The following YIPF4 variants were observed in gnomAD, a reference collection of about 807,000 sequenced individuals.
The protein encoded by YIPF4 is Yip1 domain family member 4.
YIPF4 carries 18 observed loss-of-function variants against 29.4 expected under a neutral mutation model. The ratio of observed to expected loss-of-function variants is 0.61; its 90% CI spans 0.42 to 0.91. The LOEUF (loss-of-function observed/expected upper bound fraction) is 0.91, where lower values mean the gene tolerates loss of function less well. Among genes scored for constraint, YIPF4 ranks in the 40% least tolerant of loss-of-function variants. The pLI is 0.00. For missense variants in YIPF4, 279 were observed against 282.7 expected, an observed-to-expected ratio of 0.99 and a Z score of 0.09; for synonymous variants, 115 against 104.7, an observed-to-expected ratio of 1.10 and a Z score of -0.60.
chr2:32,298,115 C>A, intron 3 of YIPF4, 119 bp from the exon 4 acceptor site: 1 of 684,592 alleles, frequency 1.5e-6, no homozygotes. Flanking sequence ...CCCACATAAT[C>A]TCTCTATGAC....
rs1376288120 is a variant in YIPF4, at chr2:32,306,084, TACTC to T, written c.*461_*464del. The T allele has an allele frequency of 5.9e-5, 47 of 801,674 alleles. No individual in the cohort carries two copies. The highest frequency in any genetic ancestry group is 6.4e-4 in the Middle Eastern group (1 of 1,558). 49.7% of individuals were successfully genotyped at this position (801,674 alleles called of 1,614,324 possible). ...ACATATATATTTATGAAATAATTCT[TACTC>T]ACAAAATATATTTCTGATAAACATT... is the stretch of plus-strand genomic sequence containing the variant. On this transcript the variant is annotated 3_prime_UTR_variant, in exon 6 of 6. Transcript: ENST00000238831.
At position 32,313,031 on chromosome 2, in the gene YIPF4, C is replaced by G. The variant is rs1019971404; in HGVS notation, c.*7405C>G. On this transcript the variant is annotated 3_prime_UTR_variant, in exon 6 of 6. Transcript: ENST00000238831. ...CCCCCCCAATATACACACACCCTGA[C>G]TTTAATGAGCTTATTTTGCTGGGGA... 6.6e-6 allele frequency: 1 copy of G among 152,108 alleles called. No individual in the cohort carries two copies. Among genetic ancestry groups the G allele is most frequent in the South Asian group, 2.1e-4 (1 of 4,826 alleles). The allele number at this position is 152,108 out of a possible 1,614,324, so 9.4% of individuals were successfully genotyped here.
chr2:32,297,186 G>A (rs553400630), intron 3 of YIPF4, among the ~76,000 whole-genome samples: 2 of 151,714 alleles, frequency 1.3e-5, no homozygotes, highest in East Asian at 1.9e-4. Context: ...GTGCAATGGC[G>A]CAATCTTGGC....
chr2:32,283,837 C>T (rs1387038466), intron 1 of YIPF4, among the ~76,000 whole-genome samples: 3 of 151,844 alleles, frequency 2.0e-5, no homozygotes, highest in East Asian at 1.9e-4. Flanking sequence ...CCTGCCTCAG[C>T]CTCCCAAGTA....
rs759255999 is a variant in YIPF4, at chr2:32,312,708, A to G, written c.*7082A>G. On this transcript the variant is annotated 3_prime_UTR_variant, in exon 6 of 6. Coordinates refer to ENST00000238831, the MANE Select transcript of YIPF4 (RefSeq NM_032312.4). ...AGTGATAATGCAAAAAAGACCCCCAATAGGCCGGGCGCGGTGGCTCACGCC... is the reference window on the plus strand; with the variant it reads ...AGTGATAATGCAAAAAAGACCCCCAGTAGGCCGGGCGCGGTGGCTCACGCC... The G allele has an allele frequency of 6.7e-6, 1 of 150,158 alleles. No individual in the cohort carries two copies. The highest frequency in any genetic ancestry group is 2.5e-5 in the African/African-American group (1 of 40,694). The allele number at this position is 150,158 out of a possible 1,614,324, so 9.3% of individuals were successfully genotyped here.
chr2:32,305,479 T>G lies in YIPF4; in HGVS notation c.598-10T>G, dbSNP rs1222906939. ...TATGCTGCCTTTTGTCTTTTTTCCT[T>G]TTTTTAAAGCTGTTTGGTGTGTTTT... On this transcript the variant is annotated splice_polypyrimidine_tract_variant and intron_variant, in intron 5 of 5. Transcript: ENST00000238831. 1 of 1,530,790 alleles carries G rather than the reference T, an allele frequency of 6.5e-7. No homozygotes were observed. Among genetic ancestry groups the G allele is most frequent in the South Asian group, 1.3e-5 (1 of 74,240 alleles). 94.8% of individuals were successfully genotyped at this position (1,530,790 alleles called of 1,614,324 possible).
intron 1 of YIPF4, among the ~76,000 whole-genome samples, chr2:32,279,326 TACTG>T (rs1007123802): frequency 6.6e-6 from 1 of 151,700 alleles, no homozygotes; most frequent in African/African-American, 2.4e-5. Flanking sequence ...TGACCAGACT[TACTG>T]GCTGCTATGA....
At chr2:32,296,304 T>C (rs781088295) in intron 3 of YIPF4, among the ~76,000 whole-genome samples, 1 of 151,936 alleles carries the variant, frequency 6.6e-6, no homozygotes, top group Non-Finnish European at 1.5e-5. Flanking sequence ...AAACCCCATC[T>C]CTCCTAAAAA....
chr2:32,284,503 G>C (rs565748690), intron 1 of YIPF4, among the ~76,000 whole-genome samples: 4 of 152,034 alleles, frequency 2.6e-5, no homozygotes, highest in Non-Finnish European at 5.9e-5. Context: ...TTTTAAAAGG[G>C]TGTAGCACCT....
At chr2:32,283,835 A>G (rs2030539493) in intron 1 of YIPF4, among the ~76,000 whole-genome samples, 1 of 151,454 alleles carries the variant, frequency 6.6e-6, no homozygotes, top group African/African-American at 2.4e-5. Context: ...CTCCTGCCTC[A>G]GCCTCCCAAG....
chr2:32,303,984 T>C lies in YIPF4; in HGVS notation c.598-1505T>C, dbSNP rs868154894. ...ACTATTGTTCTGTGGTCATCTTTAA[T>C]CATATAGTTATCTTAAAGTTGGACC... On this transcript the variant is annotated intron_variant, in intron 5 of 5. Coordinates refer to ENST00000238831, the MANE Select transcript of YIPF4 (RefSeq NM_032312.4). Among the ~76,000 whole-genome samples, 4 of 152,216 alleles carry C rather than the reference T, an allele frequency of 2.6e-5. No individual in the cohort carries two copies. In the South Asian group the frequency reaches 8.3e-4, roughly 31 times the overall value.
At chr2:32,295,405 G>C (rs2031139622) in intron 3 of YIPF4, among the ~76,000 whole-genome samples, 1 of 152,124 alleles carries the variant, frequency 6.6e-6, no homozygotes, top group Admixed American at 6.5e-5. Flanking sequence ...TGGATGTCAG[G>C]AGTCCAAAAT....
chr2:32,288,908 G>C (rs920870577), intron 1 of YIPF4, among the ~76,000 whole-genome samples: 25 of 151,722 alleles, frequency 1.6e-4, no homozygotes, highest in African/African-American at 5.8e-4. Context: ...CAGAGGTTGC[G>C]GTGAGCCGAG....
At chr2:32,285,225 C>A (rs2148958854) in intron 1 of YIPF4, among the ~76,000 whole-genome samples, 1 of 152,054 alleles carries the variant, frequency 6.6e-6, no homozygotes, top group African/African-American at 2.4e-5. Context: ...AGCAAACTGT[C>A]AAGGATAAGC....
intron 4 of YIPF4, among the ~76,000 whole-genome samples, chr2:32,298,586 G>C (rs2031279592): frequency 6.6e-6 from 1 of 152,060 alleles, no homozygotes. Context: ...ATTTGAAATG[G>C]AATCTTGCTT....
intron 1 of YIPF4, among the ~76,000 whole-genome samples, chr2:32,289,408 GTT>G (rs1370617842): frequency 6.6e-6 from 1 of 152,156 alleles, no homozygotes; most frequent in Non-Finnish European, 1.5e-5. Flanking sequence ...ATGAAAAATG[GTT>G]TTTTGTTTTT....
chr2:32,290,611 G>T lies in YIPF4; in HGVS notation c.208G>T (p.Asp70Tyr). Residue 70 changes from aspartate to tyrosine, a missense_variant, in exon 2 of 6, where the codon GAT (aspartate) becomes TAT (tyrosine). By Grantham distance (160) the Asp-to-Tyr change is radical. Coordinates refer to ENST00000238831, the MANE Select transcript of YIPF4 (RefSeq NM_032312.4). ...YGWLLEVEDD[D>Y]PEDNKPLLEE... The stretch of plus-strand genomic sequence containing the variant: ...CTGGCTTCTGGAAGTTGAAGATGAT[G>T]ATCCTGAAGATAACAAGCCACTCTT... 2 of 1,560,744 alleles carry T rather than the reference G, an allele frequency of 1.3e-6. No individual in the cohort carries two copies. Among genetic ancestry groups the T allele is most frequent in the South Asian group, 2.5e-5 (2 of 81,332 alleles).
chr2:32,299,844 G>A (rs971521964), intron 4 of YIPF4, among the ~76,000 whole-genome samples: 7 of 152,192 alleles, frequency 4.6e-5, no homozygotes, highest in Admixed American at 2.6e-4. Context: ...TTTGAGCTGG[G>A]TGTGCTGGCG....
chr2:32,283,056 G>A (rs1291619613), intron 1 of YIPF4, among the ~76,000 whole-genome samples: 2 of 144,314 alleles, frequency 1.4e-5, no homozygotes, highest in Non-Finnish European at 3.0e-5. Context: ...CCGCCTGGGC[G>A]ACAGAGTGAG....
Sources: gnomAD v4.1 joint callset for allele counts (sites outside exome capture counted in the v4.1 genomes callset) on GRCh38, gnomAD v4.1.1 for gene constraint, MANE v1.5 for transcripts, NCBI Gene and HGNC (gene_info 2026-07-23, HGNC 2026-07-21) for gene names.